NDRG3: variants seen among roughly 807,000 people sequenced by gnomAD.
NDRG3 encodes protein NDRG3.
A neutral mutation model predicts 57.2 loss-of-function variants in NDRG3; 23 were observed. The observed-to-expected ratio is 0.40, with a 90% CI of 0.29 to 0.57. The LOEUF (loss-of-function observed/expected upper bound fraction) is 0.57, where lower values mean the gene tolerates loss of function less well. NDRG3 is among the 20% of genes least tolerant of loss of function. NDRG3 has a pLI of 0.42. For missense variants in NDRG3, 384 were observed against 457.3 expected (o/e 0.84, Z 1.46); for synonymous variants, 132 against 162.6 (o/e 0.81, Z 1.43).
At chr20:36,663,657 C>A (rs1357914412) in intron 12 of NDRG3, among the ~76,000 whole-genome samples, 1 of 152,222 alleles carries the variant, frequency 6.6e-6, no homozygotes, top group African/African-American at 2.4e-5. Context: ...ACTGGTATAT[C>A]CTTTCTGGAA....
intron 3 of NDRG3, among the ~76,000 whole-genome samples, chr20:36,703,691 A>G (rs1758181555): frequency 6.6e-6 from 1 of 152,156 alleles, no homozygotes; most frequent in African/African-American, 2.4e-5. Flanking sequence ...GGCTCACACA[A>G]TTCTCCTGCA....
At chr20:36,739,014 C>CT (rs1359592737) in intron 1 of NDRG3, among the ~76,000 whole-genome samples, 4 of 146,574 alleles carry the variant, frequency 2.7e-5, no homozygotes, top group Non-Finnish European at 6.0e-5. Context: ...ATCCCAGCTA[C>CT]TTCCCAGCTA....
intron 15 of NDRG3, chr20:36,654,658 C>T (rs1479192312): frequency 1.5e-6 from 1 of 652,660 alleles, no homozygotes; most frequent in East Asian, 2.8e-5. Context: ...CAGGGCTGGA[C>T]CTGTAGGCTA....
chr20:36,662,839 A>C (rs1979324388), intron 12 of NDRG3, among the ~76,000 whole-genome samples: 1 of 152,198 alleles, frequency 6.6e-6, no homozygotes, highest in African/African-American at 2.4e-5. Context: ...AATCAGAAAG[A>C]GGGAGAGGCC....
At chr20:36,678,038 G>A (rs543725264) in intron 8 of NDRG3, among the ~76,000 whole-genome samples, 1 of 152,308 alleles carries the variant, frequency 6.6e-6, no homozygotes, top group South Asian at 2.1e-4. Context: ...AAAGTCATTA[G>A]CATTCCCTTT....
chr20:36,743,159 T>G (rs577165953), intron 1 of NDRG3, among the ~76,000 whole-genome samples: 1 of 152,306 alleles, frequency 6.6e-6, no homozygotes, highest in South Asian at 2.1e-4. Context: ...AACTCCACTG[T>G]AAACAGGCAT....
At chr20:36,700,654 T>C (rs1983164528) in intron 3 of NDRG3, 12 of 347,554 alleles carry the variant, frequency 3.5e-5, no homozygotes, top group South Asian at 2.6e-4. Flanking sequence ...CACCCCAGCA[T>C]TCTAGAGTGT....
intron 13 of NDRG3, among the ~76,000 whole-genome samples, chr20:36,656,973 G>A (rs957785427): frequency 3.9e-5 from 6 of 152,154 alleles, no homozygotes; most frequent in Non-Finnish European, 7.3e-5. Context: ...TGATTCAGCC[G>A]GCTTGCTCAG....
intron 2 of NDRG3, among the ~76,000 whole-genome samples, chr20:36,717,041 C>T (rs1334419327): frequency 2.0e-5 from 3 of 152,142 alleles, no homozygotes; most frequent in Non-Finnish European, 4.4e-5. Context: ...GGTGAAAGTG[C>T]TCTGAAAATA....
At chr20:36,660,111 C>CCA (rs2148027266) in intron 13 of NDRG3, among the ~76,000 whole-genome samples, 1 of 151,708 alleles carries the variant, frequency 6.6e-6, no homozygotes, top group East Asian at 2.0e-4. Flanking sequence ...AGGAGGCTGA[C>CCA]GCAGGAGAAT....
chr20:36,709,858 A>G (rs1358498084), intron 2 of NDRG3, among the ~76,000 whole-genome samples: 2 of 152,182 alleles, frequency 1.3e-5, no homozygotes, highest in Non-Finnish European at 2.9e-5. Context: ...AAATAAGCCA[A>G]TATAAAAAAA....
At chr20:36,741,571 T>A (rs572654167) in intron 1 of NDRG3, among the ~76,000 whole-genome samples, 10 of 152,164 alleles carry the variant, frequency 6.6e-5, no homozygotes, top group Non-Finnish European at 1.5e-4. Context: ...TCCCCAAGCC[T>A]CTAAATCTTA....
rs1348351930 is a variant in NDRG3, at chr20:36,745,893, G to A, written c.-49+152C>T. Among the ~76,000 whole-genome samples, 7 of 151,940 alleles carry A rather than the reference G, an allele frequency of 4.6e-5. No homozygotes were observed. The East Asian group carries it at 1.2e-3, about 25-fold the overall frequency. The stretch of plus-strand genomic sequence containing the variant: ...GGCGGGCGGGCGGGGCGGGGCAGAG[G>A]GCCCCGGGGGCACGGGGGAGGCAAG... On this transcript the variant is annotated intron_variant, in intron 1 of 15. Coordinates refer to ENST00000349004, the MANE Select transcript of NDRG3 (RefSeq NM_032013.4).
intron 1 of NDRG3, among the ~76,000 whole-genome samples, chr20:36,733,167 AAAAAAT>A (rs1165202345): frequency 1.4e-4 from 4 of 29,276 alleles, no homozygotes; most frequent in Non-Finnish European, 2.0e-4. Context: ...AAAAAAAAAA[AAAAAAT>A]ATATATATAT....
intron 13 of NDRG3, among the ~76,000 whole-genome samples, chr20:36,657,523 T>C (rs1797008616): frequency 6.6e-6 from 1 of 151,682 alleles, no homozygotes; most frequent in African/African-American, 2.4e-5. Flanking sequence ...TCTAATAAGA[T>C]CTCAGGTGAT....
At chr20:36,664,513 T>C (rs1337244239) in intron 12 of NDRG3, among the ~76,000 whole-genome samples, 1 of 152,112 alleles carries the variant, frequency 6.6e-6, no homozygotes, top group Non-Finnish European at 1.5e-5. Flanking sequence ...GTTGTACTAC[T>C]TGCCACAAAG....
intron 12 of NDRG3, among the ~76,000 whole-genome samples, chr20:36,663,790 CAACAGT>C (rs978221813): frequency 1.1e-4 from 17 of 152,260 alleles, no homozygotes; most frequent in Admixed American, 2.6e-4. Context: ...TAAGGATGTT[CAACAGT>C]AACATTATTT....
chr20:36,688,371 AT>A (rs112640526), intron 4 of NDRG3, among the ~76,000 whole-genome samples: 6,012 of 150,132 alleles, frequency 0.04, 435 homozygotes, highest in African/African-American at 0.14. Context: ...CCTGAAACAT[AT>A]TTAAAAAAAA....
intron 2 of NDRG3, among the ~76,000 whole-genome samples, chr20:36,711,784 T>A (rs1400075885): frequency 6.6e-6 from 1 of 152,254 alleles, no homozygotes; most frequent in Non-Finnish European, 1.5e-5. Flanking sequence ...CTTGTTTTCC[T>A]GGCTGTTTTT....
Sources: gnomAD v4.1 joint callset for allele counts (sites outside exome capture counted in the v4.1 genomes callset) on GRCh38, gnomAD v4.1.1 for gene constraint, MANE v1.5 for transcripts, NCBI Gene and HGNC (gene_info 2026-07-23, HGNC 2026-07-21) for gene names.